Variants in ST18 observed in about 807,000 individuals in gnomAD.
ST18 encodes the protein suppression of tumorigenicity 18 protein.
ST18 carries 50 observed loss-of-function variants against 110.0 expected under a neutral mutation model. The observed-to-expected ratio is 0.45, with a 90% CI of 0.36 to 0.58. The LOEUF (loss-of-function observed/expected upper bound fraction) is 0.58, where lower values mean the gene tolerates loss of function less well. Ranked by LOEUF, ST18 falls within the 20% of genes least tolerant of loss-of-function variation. The pLI is 0.00. For missense variants in ST18, 1,306 were observed against 1,280.1 expected (o/e 1.02, Z -0.31); for synonymous variants, 461 against 452.4 (o/e 1.02, Z -0.24).
At chr8:52,266,771 T>G (rs995171425) in intron 2 of ST18, among the ~76,000 whole-genome samples, 1 of 152,116 alleles carries the variant, frequency 6.6e-6, no homozygotes, top group Non-Finnish European at 1.5e-5. Flanking sequence ...TTCAAGCTCC[T>G]GACCTCAGCC....
chr8:52,355,851 C>T (rs1822483119), intron 2 of ST18, among the ~76,000 whole-genome samples: 1 of 152,126 alleles, frequency 6.6e-6, no homozygotes, highest in South Asian at 2.1e-4. Context: ...GCTCCCTGCA[C>T]AAATGGAACA....
chr8:52,171,792 G>T lies in ST18; in HGVS notation c.1069C>A (p.His357Asn), dbSNP rs141556653. The change falls in exon 10 of 26, where the codon CAT (histidine) becomes AAT (asparagine). Residue 357 changes from histidine to asparagine, a missense_variant and splice_region_variant. By Grantham distance (68) the His-to-Asn change is moderately conservative. Coordinates refer to ENST00000689386, the MANE Select transcript of ST18 (RefSeq NM_001352837.2). ...MGGRQIFNNK[H>N]SPRPEKRETK... ...AAATAAATGCAAAAATGTGTCTTACGTTTATTGTTAAAGATTTGTCTTCCA... is the reference window on the plus strand; with the variant it reads ...AAATAAATGCAAAAATGTGTCTTACTTTTATTGTTAAAGATTTGTCTTCCA... The T allele has an allele frequency of 6.2e-7, 1 of 1,610,262 alleles. No individual in the cohort carries two copies. Among genetic ancestry groups the T allele is most frequent in the South Asian group, 1.1e-5 (1 of 90,670 alleles).
chr8:52,376,657 G>T (rs1832503612), intron 2 of ST18, among the ~76,000 whole-genome samples: 1 of 151,820 alleles, frequency 6.6e-6, no homozygotes, highest in Admixed American at 6.6e-5. Flanking sequence ...CTTGTGGGAA[G>T]CGTCTTTGTC....
rs79323333 is a variant in ST18, at chr8:52,240,925, C to T, written c.-464-10848G>A. Among the ~76,000 whole-genome samples the T allele has an allele frequency of 1.3e-4, 20 of 152,178 alleles. 1 individual carries two copies. The highest frequency in any genetic ancestry group is 3.3e-4 in the Admixed American group (5 of 15,284). On this transcript the variant is annotated intron_variant, in intron 2 of 25. Transcript: ENST00000689386. ...AGGTCTCACTCCTGAATTTCAGATC[C>T]ACTGATCAGCTGTACACTCAACATC...
At chr8:52,372,776 A>T (rs1354481454) in intron 2 of ST18, among the ~76,000 whole-genome samples, 3 of 152,182 alleles carry the variant, frequency 2.0e-5, no homozygotes, top group Non-Finnish European at 4.4e-5. Flanking sequence ...ACACTCTATG[A>T]TGTTTGCACA....
intron 2 of ST18, among the ~76,000 whole-genome samples, chr8:52,231,914 T>A (rs946430490): frequency 1.3e-5 from 2 of 152,206 alleles, no homozygotes; most frequent in Non-Finnish European, 2.9e-5. Context: ...GACATCAGAA[T>A]CTCCTGGAGG....
intron 2 of ST18, among the ~76,000 whole-genome samples, chr8:52,370,728 G>C (rs1221839318): frequency 6.6e-6 from 1 of 152,084 alleles, no homozygotes; most frequent in Non-Finnish European, 1.5e-5. Context: ...AGGTTTGAGG[G>C]TCCCTTTCTA....
At chr8:52,394,174 G>A (rs1460673038) in intron 2 of ST18, among the ~76,000 whole-genome samples, 1 of 152,164 alleles carries the variant, frequency 6.6e-6, no homozygotes, top group Admixed American at 6.5e-5. Flanking sequence ...TCCAGATGCA[G>A]AGGAGCCATC....
chr8:52,163,938 A>G (rs530534865), intron 13 of ST18, 48 bp downstream of exon 13: 21 of 1,454,716 alleles, frequency 1.4e-5, no homozygotes, highest in East Asian at 6.8e-5. Flanking sequence ...CCCGCTGTGC[A>G]GGAGCCTGGA....
At chr8:52,253,030 G>GT (rs61268853) in intron 2 of ST18, among the ~76,000 whole-genome samples, 160 of 147,030 alleles carry the variant, frequency 1.1e-3, no homozygotes, top group Admixed American at 1.5e-3. Context: ...TTCTTCATCA[G>GT]TTTTTTTTTT....
At chr8:52,339,088 G>C (rs1327901136) in intron 2 of ST18, among the ~76,000 whole-genome samples, 2 of 152,064 alleles carry the variant, frequency 1.3e-5, no homozygotes, top group East Asian at 3.9e-4. Flanking sequence ...CCAAAATCAA[G>C]GCTTTGGCAG....
intron 2 of ST18, among the ~76,000 whole-genome samples, chr8:52,395,379 TG>T (rs1329137609): frequency 6.6e-6 from 1 of 151,848 alleles, no homozygotes; most frequent in East Asian, 1.9e-4. Flanking sequence ...CCGTTAGGAG[TG>T]GAGTGGGACT....
At chr8:52,137,519 G>T (rs375737080) in intron 17 of ST18, 36 bp from the exon 18 acceptor site, 15 of 1,606,780 alleles carry the variant, frequency 9.3e-6, no homozygotes, top group African/African-American at 1.3e-5. Flanking sequence ...AGAGTCAAGC[G>T]CATTTCCCAG....
Position 52,132,060 on chromosome 8 carries a change from G to T in ST18, c.2564C>A (p.Ala855Asp). Residue 855 changes from alanine to aspartate, a missense_variant, in exon 22 of 26, where the codon GCC becomes GAC. Coordinates refer to ENST00000689386, the MANE Select transcript of ST18 (RefSeq NM_001352837.2). ...TTTGTTCAGTTTCCAGGAGAGGGAG[G>T]CTCCATTGAGAGGATTCTCCTTCTG... Reference protein sequence around the residue: ...KRQKENPLNGASLSWKLNKQE... With the variant: ...KRQKENPLNGDSLSWKLNKQE... 6.2e-7 allele frequency: 1 copy of T among 1,614,212 alleles called. No homozygotes were observed. The highest frequency in any genetic ancestry group is 1.1e-5 in the South Asian group (1 of 91,088).
At chr8:52,129,512 C>G (rs1028494145) in intron 22 of ST18, among the ~76,000 whole-genome samples, 2 of 150,664 alleles carry the variant, frequency 1.3e-5, no homozygotes, top group African/African-American at 4.9e-5. Flanking sequence ...GAGCATTCCA[C>G]CTTAAAGAGA....
At chr8:52,131,129 A>T (rs560283675) in intron 22 of ST18, among the ~76,000 whole-genome samples, 137 of 152,326 alleles carry the variant, frequency 9.0e-4, no homozygotes, top group African/African-American at 3.0e-3. Flanking sequence ...TCCGTATATA[A>T]CTTTAGAACT....
chr8:52,167,531 G>T (rs1450431665), intron 10 of ST18, among the ~76,000 whole-genome samples: 3 of 152,222 alleles, frequency 2.0e-5, no homozygotes, highest in Non-Finnish European at 2.9e-5. Context: ...AAGGACACTG[G>T]CTTGTGTCCT....
chr8:52,189,570 G>A (rs1312045416), intron 8 of ST18, among the ~76,000 whole-genome samples: 1 of 152,224 alleles, frequency 6.6e-6, no homozygotes, highest in Admixed American at 6.5e-5. Context: ...GTGATTGAAA[G>A]AGAAGAGCCA....
At chr8:52,225,396 C>T (rs1003259472) in intron 3 of ST18, among the ~76,000 whole-genome samples, 6 of 152,222 alleles carry the variant, frequency 3.9e-5, no homozygotes, top group Non-Finnish European at 5.9e-5. Context: ...TTAACACAAT[C>T]TGCCATGCTT....
Sources: allele counts gnomAD v4.1 joint callset (sites outside exome capture counted in the v4.1 genomes callset), GRCh38; gene constraint gnomAD v4.1.1; transcripts MANE v1.5; gene names NCBI Gene and HGNC (gene_info 2026-07-23, HGNC 2026-07-21).